The following PDE1C variants were observed in gnomAD, a reference collection of about 807,000 sequenced individuals.
PDE1C encodes phosphodiesterase 1C, also known as dual specificity calcium/calmodulin-dependent 3',5'-cyclic nucleotide phosphodiesterase 1C.
PDE1C carries 62 observed loss-of-function variants against 93.1 expected under a neutral mutation model. The observed-to-expected ratio is 0.67, with a 90% CI of 0.54 to 0.82. The LOEUF is 0.82. PDE1C is among the 40% of genes least tolerant of loss of function. The pLI is 0.00. For missense variants in PDE1C, 742 were observed against 884.6 expected (o/e 0.84, Z 2.04); for synonymous variants, 325 against 310.1 (o/e 1.05, Z -0.50).
At chr7:32,028,707 C>T (rs1196119932) in intron 2 of PDE1C, among the ~76,000 whole-genome samples, 3 of 151,900 alleles carry the variant, frequency 2.0e-5, no homozygotes, top group South Asian at 2.1e-4. Context: ...GTGGTAAGAA[C>T]GTTAGAAATT....
chr7:31,643,282 A>G, the PDE1C span: 1 of 1,613,838 alleles, frequency 6.2e-7, no homozygotes, highest in South Asian at 1.1e-5. Flanking sequence ...CGTACCAGAA[A>G]GCTCATCACA....
the PDE1C span, chr7:31,695,825 GTT>G: frequency 6.1e-5 from 25 of 407,058 alleles, no homozygotes; most frequent in African/African-American, 6.9e-4. Context: ...TACAATAAAA[GTT>G]TATTTTTTTT....
At chr7:32,188,801 CA>C (rs1250313954) in intron 2 of PDE1C, among the ~76,000 whole-genome samples, 1 of 151,956 alleles carries the variant, frequency 6.6e-6, no homozygotes, top group African/African-American at 2.4e-5. Flanking sequence ...TTCTGGAGTG[CA>C]AAAAAACTCA....
downstream of PDE1C, among the ~76,000 whole-genome samples, chr7:31,746,699 C>T (rs2128588132): frequency 6.6e-6 from 1 of 152,284 alleles, no homozygotes; most frequent in East Asian, 1.9e-4. Flanking sequence ...ACAGCTTCCT[C>T]TGAGACTTCA....
chr7:31,642,053 T>C, the PDE1C span: 1 of 532,908 alleles, frequency 1.9e-6, no homozygotes, highest in East Asian at 3.2e-5. Flanking sequence ...ATTTGTTTTT[T>C]CTTCCACACA....
chr7:32,388,907 C>T (rs1784692680), intron 1 of PDE1C, among the ~76,000 whole-genome samples: 1 of 151,964 alleles, frequency 6.6e-6, no homozygotes, highest in Non-Finnish European at 1.5e-5. Flanking sequence ...TTATGCTACC[C>T]ATAGGGACAG....
At chr7:32,424,985 A>T (rs1362081574) in intron 1 of PDE1C, among the ~76,000 whole-genome samples, 2 of 152,194 alleles carry the variant, frequency 1.3e-5, no homozygotes, top group Non-Finnish European at 2.9e-5. Context: ...CTGTGTGACT[A>T]ATTAACCTCT....
intron 2 of PDE1C, among the ~76,000 whole-genome samples, chr7:32,196,525 TC>T (rs78745090): frequency 0.68 from 103,786 of 151,700 alleles, 35,761 homozygotes; most frequent in African/African-American, 0.74. Context: ...TCTGTCTTCT[TC>T]TTTTTGCCTT....
At chr7:32,283,742 A>G (rs1437511806) in intron 1 of PDE1C, among the ~76,000 whole-genome samples, 3 of 152,252 alleles carry the variant, frequency 2.0e-5, no homozygotes, top group Non-Finnish European at 4.4e-5. Flanking sequence ...GTCCCAATGC[A>G]GAGCTTTGCT....
At chr7:31,705,417 T>C in the PDE1C span, among the ~76,000 whole-genome samples, 7 of 152,300 alleles carry the variant, frequency 4.6e-5, no homozygotes, top group East Asian at 1.2e-3. Context: ...ATGCTAGCCT[T>C]AATTCCAAAC....
chr7:32,398,328 A>T (rs73305825), intron 1 of PDE1C, among the ~76,000 whole-genome samples: 6,178 of 151,670 alleles, frequency 0.041, 310 homozygotes, highest in African/African-American at 0.12. Context: ...AAAAAGAAAA[A>T]GTGAGGAAGA....
intron 1 of PDE1C, among the ~76,000 whole-genome samples, chr7:32,253,754 C>T (rs1809567576): frequency 6.6e-6 from 1 of 152,154 alleles, no homozygotes; most frequent in Non-Finnish European, 1.5e-5. Flanking sequence ...GGCGCTGCTG[C>T]ACAACAAACA....
intron 16 of PDE1C, chr7:31,787,683 C>A (rs1209487706): frequency 6.6e-6 from 1 of 152,112 alleles, no homozygotes; most frequent in African/African-American, 2.4e-5. Flanking sequence ...GTGTGTAAAC[C>A]AGAGTAAGAT....
intron 5 of PDE1C, 52 bp downstream of exon 5, chr7:31,877,918 C>A: frequency 8.4e-7 from 1 of 1,190,444 alleles, no homozygotes; most frequent in Non-Finnish European, 1.2e-6. Context: ...AAATTTAACT[C>A]TACTTTTTAT....
chr7:32,001,366 C>T (rs1321704279), intron 2 of PDE1C, among the ~76,000 whole-genome samples: 1 of 152,160 alleles, frequency 6.6e-6, no homozygotes, highest in African/African-American at 2.4e-5. Context: ...AATAAAAGTA[C>T]GTATTTCTGA....
intron 1 of PDE1C, among the ~76,000 whole-genome samples, chr7:32,365,651 C>T (rs1277642425): frequency 6.6e-6 from 1 of 152,162 alleles, no homozygotes; most frequent in Non-Finnish European, 1.5e-5. Flanking sequence ...GCCAACTGGG[C>T]AATCATGCTC....
the PDE1C span, among the ~76,000 whole-genome samples, chr7:31,649,137 A>G: frequency 6.6e-6 from 1 of 152,262 alleles, no homozygotes; most frequent in Non-Finnish European, 1.5e-5. Context: ...TATTCAGTAT[A>G]AAAGCGAGAG....
intron 2 of PDE1C, among the ~76,000 whole-genome samples, chr7:32,181,227 T>C (rs2128812265): frequency 6.6e-6 from 1 of 152,190 alleles, no homozygotes; most frequent in Middle Eastern, 3.4e-3. Context: ...CTGTCAACAT[T>C]AGACAGATCA....
intron 1 of PDE1C, among the ~76,000 whole-genome samples, chr7:32,405,675 C>T (rs1785038941): frequency 6.6e-6 from 1 of 152,160 alleles, no homozygotes; most frequent in African/African-American, 2.4e-5. Context: ...GGCCTTGTGT[C>T]CTGTCCTCCA....
Sources: gnomAD v4.1 joint callset for allele counts (sites outside exome capture counted in the v4.1 genomes callset) on GRCh38, gnomAD v4.1.1 for gene constraint, MANE v1.5 for transcripts, NCBI Gene and HGNC (gene_info 2026-07-23, HGNC 2026-07-21) for gene names.